OPCML: variants seen among roughly 807,000 people sequenced by gnomAD.
The protein encoded by OPCML is opioid binding protein/cell adhesion molecule like.
A neutral mutation model predicts 37.8 loss-of-function variants in OPCML; 13 were observed. That is an observed-to-expected ratio of 0.34 (90% CI 0.22 to 0.55). The LOEUF (loss-of-function observed/expected upper bound fraction) is 0.55. Ranked by LOEUF, OPCML falls within the 20% of genes least tolerant of loss-of-function variation. OPCML has a pLI of 0.91. For synonymous variants in OPCML, 176 were observed against 168.8 expected, an observed-to-expected ratio of 1.04 and a Z score of -0.33; for missense variants, 341 against 435.6, an observed-to-expected ratio of 0.78 and a Z score of 1.93.
chr11:132,723,741 G>A (rs1944765502), intron 2 of OPCML, among the ~76,000 whole-genome samples: 1 of 152,232 alleles, frequency 6.6e-6, no homozygotes, highest in South Asian at 2.1e-4. Context: ...CTGCAGGCAT[G>A]TGAAGAGAAA....
chr11:132,581,980 GC>G (rs550327092), intron 3 of OPCML, among the ~76,000 whole-genome samples: 3 of 152,036 alleles, frequency 2.0e-5, no homozygotes, highest in African/African-American at 7.2e-5. Flanking sequence ...AAGAACTGCA[GC>G]CCCCAGTGAA....
intron 1 of OPCML, among the ~76,000 whole-genome samples, chr11:133,170,570 G>A (rs1436903601): frequency 6.6e-6 from 1 of 151,956 alleles, no homozygotes; most frequent in Non-Finnish European, 1.5e-5. Flanking sequence ...AAATCCAGTT[G>A]TGAGTGGGGG....
chr11:132,886,177 C>T (rs1430084363), intron 2 of OPCML, among the ~76,000 whole-genome samples: 1 of 152,188 alleles, frequency 6.6e-6, no homozygotes, highest in East Asian at 1.9e-4. Context: ...TACTATAAAA[C>T]TATTTTTGTT....
intron 1 of OPCML, among the ~76,000 whole-genome samples, chr11:133,349,998 G>C (rs1026924870): frequency 2.6e-5 from 4 of 152,198 alleles, no homozygotes; most frequent in Admixed American, 2.6e-4. Context: ...ATATGAAGCA[G>C]TGAATACCAT....
intron 1 of OPCML, among the ~76,000 whole-genome samples, chr11:132,976,410 A>G (rs555822251): frequency 6.6e-5 from 10 of 152,302 alleles, no homozygotes; most frequent in Admixed American, 4.6e-4. Context: ...AAGATCTCCT[A>G]TAAAAAACAG....
intron 3 of OPCML, among the ~76,000 whole-genome samples, chr11:132,620,449 T>C (rs1350107040): frequency 6.6e-6 from 1 of 152,192 alleles, no homozygotes; most frequent in African/African-American, 2.4e-5. Context: ...AAACAGACCC[T>C]GAGGAAGTGA....
chr11:132,468,778 T>C (rs2096126946), intron 4 of OPCML, among the ~76,000 whole-genome samples: 1 of 152,224 alleles, frequency 6.6e-6, no homozygotes. Flanking sequence ...AAGCTCATTT[T>C]AGGGAAAAGT....
chr11:132,450,487 C>G (rs1344848013), intron 4 of OPCML, among the ~76,000 whole-genome samples: 1 of 151,824 alleles, frequency 6.6e-6, no homozygotes, highest in Non-Finnish European at 1.5e-5. Context: ...TAGGGCTGCC[C>G]GTAGAGGGGC....
At chr11:132,953,941 C>G (rs549608705) in intron 1 of OPCML, among the ~76,000 whole-genome samples, 1 of 152,214 alleles carries the variant, frequency 6.6e-6, no homozygotes, top group Non-Finnish European at 1.5e-5. Context: ...CTGCTCCTTA[C>G]GGGGCTGTAC....
At chr11:133,344,234 G>A (rs1463900997) in intron 1 of OPCML, among the ~76,000 whole-genome samples, 1 of 152,168 alleles carries the variant, frequency 6.6e-6, no homozygotes, top group Non-Finnish European at 1.5e-5. Context: ...CGCCCCAGGT[G>A]GTATTTCTCC....
intron 1 of OPCML, among the ~76,000 whole-genome samples, chr11:133,273,278 G>T (rs543608519): frequency 1.3e-5 from 2 of 152,166 alleles, no homozygotes; most frequent in Admixed American, 6.5e-5. Flanking sequence ...GGAGCAAGGT[G>T]GGAAGTGTAC....
At chr11:132,774,765 C>T (rs563853391) in intron 2 of OPCML, among the ~76,000 whole-genome samples, 2 of 152,352 alleles carry the variant, frequency 1.3e-5, no homozygotes, top group East Asian at 3.9e-4. Flanking sequence ...ACAGCGACTG[C>T]CATTTTCTGT....
chr11:132,551,670 A>C (rs1035382948), intron 3 of OPCML, among the ~76,000 whole-genome samples: 4 of 152,076 alleles, frequency 2.6e-5, no homozygotes, highest in Non-Finnish European at 5.9e-5. Context: ...CCAGGAACTG[A>C]CTCAGCGCAA....
At chr11:133,218,180 C>G (rs913359416) in intron 1 of OPCML, among the ~76,000 whole-genome samples, 23 of 151,942 alleles carry the variant, frequency 1.5e-4, no homozygotes, top group Non-Finnish European at 3.2e-4. Flanking sequence ...GAGAATAAAT[C>G]ATGGAGAGTT....
intron 1 of OPCML, among the ~76,000 whole-genome samples, chr11:133,499,005 C>T (rs1282600075): frequency 6.6e-6 from 1 of 152,160 alleles, no homozygotes; most frequent in Non-Finnish European, 1.5e-5. Flanking sequence ...TGTTCAAGTC[C>T]ACAAATCCCA....
At chr11:133,297,136 G>C (rs1430464387) in intron 1 of OPCML, 1 of 152,162 alleles carries the variant, frequency 6.6e-6, no homozygotes, top group African/African-American at 2.4e-5. Context: ...AGGTAGGTAG[G>C]CTTCTGAGGT....
intron 2 of OPCML, among the ~76,000 whole-genome samples, chr11:132,730,928 G>A (rs1395535708): frequency 6.6e-6 from 1 of 152,192 alleles, no homozygotes; most frequent in East Asian, 1.9e-4. Flanking sequence ...GATCAGCTCA[G>A]GATAGTCTTG....
At chr11:133,137,394 A>G (rs1949707387) in intron 1 of OPCML, among the ~76,000 whole-genome samples, 1 of 152,220 alleles carries the variant, frequency 6.6e-6, no homozygotes, top group East Asian at 1.9e-4. Context: ...AGAGAGAAAC[A>G]ATGTGGATAC....
chr11:132,894,513 T>A (rs975686177), intron 2 of OPCML, among the ~76,000 whole-genome samples: 7 of 152,234 alleles, frequency 4.6e-5, no homozygotes, highest in Non-Finnish European at 8.8e-5. Context: ...GAACTTGTGA[T>A]GGTTAATTTT....
Sources: allele counts gnomAD v4.1 joint callset (sites outside exome capture counted in the v4.1 genomes callset), GRCh38; gene constraint gnomAD v4.1.1; transcripts MANE v1.5; gene names NCBI Gene and HGNC (gene_info 2026-07-23, HGNC 2026-07-21).